Variants in MTMR2 observed in about 807,000 individuals in gnomAD.
MTMR2 encodes the protein phosphatidylinositol-3,5-bisphosphate 3-phosphatase MTMR2.
A neutral mutation model predicts 86.9 loss-of-function variants in MTMR2; 55 were observed. The observed-to-expected ratio is 0.63, with a 90% CI of 0.51 to 0.79. The LOEUF is 0.79. Among genes scored for constraint, MTMR2 ranks in the 30% least tolerant of loss-of-function variants. MTMR2 has a pLI of 0.00. For missense variants in MTMR2, 659 were observed against 772.3 expected (o/e 0.85, Z 1.74); for synonymous variants, 241 against 266.8 (o/e 0.90, Z 0.94).
At chr11:95,893,219 T>G (rs924538742) in intron 1 of MTMR2, among the ~76,000 whole-genome samples, 3 of 152,092 alleles carry the variant, frequency 2.0e-5, no homozygotes, top group African/African-American at 7.2e-5. Flanking sequence ...TAGCTCAAAA[T>G]TCCTCAATTC....
At chr11:95,882,081 A>C (rs1865345976) in intron 2 of MTMR2, among the ~76,000 whole-genome samples, 2 of 152,228 alleles carry the variant, frequency 1.3e-5, no homozygotes, top group African/African-American at 4.8e-5. Flanking sequence ...CTCTATTAAA[A>C]TAATCATTAT....
At chr11:95,888,330 TTAATA>T in intron 1 of MTMR2, 69 bp from the exon 2 acceptor site, 3 of 984,116 alleles carry the variant, frequency 3.0e-6, no homozygotes, top group Non-Finnish European at 4.8e-6. Flanking sequence ...GACATTGTAT[TTAATA>T]TAACTCCAAT....
At chr11:95,872,300 G>A (rs976513299) in intron 2 of MTMR2, among the ~76,000 whole-genome samples, 42 of 152,124 alleles carry the variant, frequency 2.8e-4, no homozygotes, top group African/African-American at 9.4e-4. Flanking sequence ...ATTTCATTGA[G>A]CAGTGGTTTG....
intron 2 of MTMR2, among the ~76,000 whole-genome samples, chr11:95,885,171 C>T (rs187403731): frequency 9.9e-4 from 150 of 152,120 alleles, no homozygotes; most frequent in Non-Finnish European, 1.6e-3. Context: ...AGGACACTTA[C>T]GTCTAACGTT....
At chr11:95,914,258 T>C (rs187282743) in intron 1 of MTMR2, 8 of 973,358 alleles carry the variant, frequency 8.2e-6, no homozygotes, top group African/African-American at 1.8e-5. Context: ...ATTTTTGAGA[T>C]GTTTTATCTT....
Position 95,845,120 on chromosome 11 carries a change from C to G in MTMR2, c.1219G>C (p.Glu407Gln). 5.6e-6 allele frequency: 9 copies of G among 1,613,928 alleles called. No homozygotes were observed. The highest frequency in any genetic ancestry group is 6.8e-6 in the Non-Finnish European group (8 of 1,179,868). The change falls in exon 11 of 15, where the codon GAG becomes CAG. Residue 407 changes from glutamate to glutamine, a missense_variant. Around this residue, in one of 3 missense-constraint regions of MTMR2, gnomAD observed 387 missense variants for 526.3 expected, o/e 0.74. Transcript: ENST00000346299. ...AGALRIADKVESGKTSVVVHC... is the reference protein window; with the variant it reads ...AGALRIADKVQSGKTSVVVHC... ...ACTACCACAGACGTCTTCCCTGACT[C>G]TACCTTGTCAGCAATCCTAAGAGCC...
intron 1 of MTMR2, among the ~76,000 whole-genome samples, chr11:95,909,069 A>T (rs1401724282): frequency 1.3e-5 from 2 of 152,040 alleles, no homozygotes; most frequent in Non-Finnish European, 2.9e-5. Flanking sequence ...AGTCATTCCC[A>T]CACATTTTTT....
intron 3 of MTMR2, among the ~76,000 whole-genome samples, chr11:95,864,413 C>A (rs1161072979): frequency 6.6e-6 from 1 of 152,020 alleles, no homozygotes; most frequent in African/African-American, 2.4e-5. Context: ...GCAATTACGG[C>A]ATTAAGTTCA....
chr11:95,851,125 C>T (rs957128945), intron 7 of MTMR2, among the ~76,000 whole-genome samples: 5 of 133,750 alleles, frequency 3.7e-5, no homozygotes, highest in East Asian at 2.2e-4. Context: ...TGCAATGGTG[C>T]GATCTCAGCG....
chr11:95,915,519 T>A (rs1866664934), intron 1 of MTMR2, among the ~76,000 whole-genome samples: 1 of 152,154 alleles, frequency 6.6e-6, no homozygotes, highest in African/African-American at 2.4e-5. Context: ...TTAAGTTAGG[T>A]GACAAAAGAA....
At chr11:95,913,108 C>G (rs1205434832) in intron 1 of MTMR2, 2 of 151,966 alleles carry the variant, frequency 1.3e-5, no homozygotes, top group African/African-American at 4.8e-5. Flanking sequence ...AATGAAGAAA[C>G]AGTATGTTTT....
intron 2 of MTMR2, chr11:95,887,514 A>G (rs902510061): frequency 6.6e-6 from 1 of 151,362 alleles, no homozygotes; most frequent in African/African-American, 2.4e-5. Context: ...AGTTATAGAA[A>G]AGTAGATAAA....
intron 11 of MTMR2, among the ~76,000 whole-genome samples, chr11:95,843,977 A>G (rs1724302312): frequency 6.6e-6 from 1 of 152,168 alleles, no homozygotes; most frequent in African/African-American, 2.4e-5. Flanking sequence ...TCATTACTCT[A>G]CATTAACCTT....
intron 2 of MTMR2, among the ~76,000 whole-genome samples, chr11:95,877,454 A>G (rs1181987534): frequency 6.6e-6 from 1 of 151,454 alleles, no homozygotes; most frequent in Non-Finnish European, 1.5e-5. Flanking sequence ...ATGATTCAAC[A>G]ATAACAAAAA....
At chr11:95,886,155 A>G (rs1865504370) in intron 2 of MTMR2, among the ~76,000 whole-genome samples, 1 of 152,178 alleles carries the variant, frequency 6.6e-6, no homozygotes, top group South Asian at 2.1e-4. Context: ...AACATTAGGT[A>G]AAAACTAAGG....
rs757119240 is a variant in MTMR2 at position 95,862,394 on chromosome 11, C to G, written c.263-28G>C. ...GAAAAAGCAAGAAGTCCACAGTTTA[C>G]TATACATTATGTGCTATTAAAACCT... On this transcript the variant is annotated intron_variant, in intron 3 of 14. Coordinates refer to ENST00000346299, the MANE Select transcript of MTMR2 (RefSeq NM_016156.6). 4.0e-6 allele frequency: 6 copies of G among 1,515,388 alleles called. No homozygotes were observed. In the South Asian group the frequency reaches 6.7e-5, roughly 17 times the overall value. The allele number at this position is 1,515,388 out of a possible 1,614,324, so 93.9% of individuals were successfully genotyped here.
chr11:95,905,328 TGC>T (rs201740423), intron 1 of MTMR2, among the ~76,000 whole-genome samples: 27 of 47,834 alleles, frequency 5.6e-4, no homozygotes, highest in South Asian at 1.9e-3. Context: ...CGCACGCACC[TGC>T]GCACACACAC....
At chr11:95,921,262 C>T (rs565744324) in intron 1 of MTMR2, among the ~76,000 whole-genome samples, 1 of 152,300 alleles carries the variant, frequency 6.6e-6, no homozygotes, top group South Asian at 2.1e-4. Context: ...ACACATTTAA[C>T]AATATTAACT....
At chr11:95,838,237 T>G (rs942597739) in intron 12 of MTMR2, 30 bp from the exon 13 acceptor site, 2 of 1,216,450 alleles carry the variant, frequency 1.6e-6, no homozygotes, top group Middle Eastern at 3.8e-4. Flanking sequence ...AACACATAAA[T>G]TAAGACATTC....
Sources: allele counts gnomAD v4.1 joint callset (sites outside exome capture counted in the v4.1 genomes callset), GRCh38; gene constraint gnomAD v4.1.1; regional missense constraint gnomAD v4.1.1; transcripts MANE v1.5; gene names NCBI Gene and HGNC (gene_info 2026-07-23, HGNC 2026-07-21).